Variants in SOX6 observed in about 807,000 individuals in gnomAD.
The protein encoded by SOX6 is transcription factor SOX-6.
In SOX6, 11 loss-of-function variants were observed where a neutral mutation model predicts 97.8. The observed-to-expected ratio is 0.11, with a 90% CI of 0.07 to 0.19. The LOEUF (loss-of-function observed/expected upper bound fraction) is 0.19. SOX6 is among the 10% of genes least tolerant of loss of function. The pLI is 1.00. For missense variants in SOX6, 810 were observed against 1,039.5 expected (o/e 0.78, Z 3.04); for synonymous variants, 360 against 371.4 (o/e 0.97, Z 0.35).
chr11:16,285,830 C>G (rs1406382691), intron 3 of SOX6, among the ~76,000 whole-genome samples: 1 of 151,964 alleles, frequency 6.6e-6, no homozygotes, highest in African/African-American at 2.4e-5. Context: ...AGGAAAACCA[C>G]CTAAAGTCTC....
intron 12 of SOX6, among the ~76,000 whole-genome samples, chr11:16,028,031 T>C (rs1035872077): frequency 1.3e-5 from 2 of 152,234 alleles, no homozygotes; most frequent in African/African-American, 4.8e-5. Context: ...CTTGCAGGAC[T>C]GAACTCTTGA....
intron 13 of SOX6, among the ~76,000 whole-genome samples, chr11:15,994,862 C>A (rs1487323265): frequency 6.6e-6 from 1 of 152,008 alleles, no homozygotes; most frequent in African/African-American, 2.4e-5. Flanking sequence ...ATGAAAAAAA[C>A]CCATAGATGT....
intron 3 of SOX6, among the ~76,000 whole-genome samples, chr11:16,682,055 C>T (rs537128576): frequency 1.1e-4 from 17 of 152,334 alleles, no homozygotes; most frequent in African/African-American, 3.8e-4. Flanking sequence ...TGGTACCATT[C>T]CTTTTGAAAC....
At chr11:16,364,574 C>G (rs909571043) in intron 1 of SOX6, among the ~76,000 whole-genome samples, 13 of 152,090 alleles carry the variant, frequency 8.5e-5, no homozygotes, top group Non-Finnish European at 1.9e-4. Flanking sequence ...TTATTTTACC[C>G]ATCTGTAAAA....
At chr11:16,454,430 T>C (rs990155206) in intron 1 of SOX6, among the ~76,000 whole-genome samples, 1 of 151,936 alleles carries the variant, frequency 6.6e-6, no homozygotes, top group Non-Finnish European at 1.5e-5. Context: ...CAGTCATTCA[T>C]AAAATATTCA....
chr11:16,620,895 A>C (rs938947659), intron 3 of SOX6, among the ~76,000 whole-genome samples: 4 of 152,162 alleles, frequency 2.6e-5, no homozygotes, highest in African/African-American at 7.2e-5. Flanking sequence ...AACTATCACA[A>C]TTTTGTGGAC....
At chr11:16,147,700 A>G (rs1267041079) in intron 6 of SOX6, among the ~76,000 whole-genome samples, 1 of 152,068 alleles carries the variant, frequency 6.6e-6, no homozygotes, top group East Asian at 1.9e-4. Context: ...TTTTTATTGT[A>G]CTTCTCACAT....
chr11:16,517,710 T>C (rs1195844348), intron 4 of SOX6, among the ~76,000 whole-genome samples: 1 of 152,182 alleles, frequency 6.6e-6, no homozygotes, highest in African/African-American at 2.4e-5. Flanking sequence ...CAAGAAAATA[T>C]AACTGTCACT....
intron 1 of SOX6, among the ~76,000 whole-genome samples, chr11:16,420,305 T>C (rs1001960116): frequency 2.0e-5 from 3 of 152,214 alleles, no homozygotes; most frequent in Admixed American, 2.0e-4. Context: ...GCATTTGCTT[T>C]CCATGAGTAT....
intron 6 of SOX6, among the ~76,000 whole-genome samples, chr11:16,143,823 C>T (rs903087717): frequency 4.6e-5 from 7 of 152,100 alleles, no homozygotes; most frequent in East Asian, 1.9e-4. Flanking sequence ...ACATATGCAC[C>T]CAATACAGGA....
At position 16,522,569 on chromosome 11, in the gene SOX6, C is replaced by T. The variant is rs538620205; in HGVS notation, n.610-46181G>A. On this transcript the variant is annotated intron_variant and non_coding_transcript_variant, in intron 4 of 5. Coordinates refer to the SOX6 transcript ENST00000524520. ...CATCGAGACTAGGAAGAAACTGCAT[C>T]AACTAACGAGCAAAATAACCAGCTA... 4.6e-5 allele frequency among the ~76,000 whole-genome samples: 7 copies of T among 152,064 alleles called. No homozygotes were observed. In the South Asian group the frequency reaches 1.5e-3, roughly 32 times the overall value.
At chr11:16,513,740 T>C (rs964131953) in intron 4 of SOX6, among the ~76,000 whole-genome samples, 4 of 152,146 alleles carry the variant, frequency 2.6e-5, no homozygotes, top group African/African-American at 9.7e-5. Flanking sequence ...GTTCTTGGCA[T>C]TACTTGAACT....
At position 16,586,584 on chromosome 11, in the gene SOX6, G is replaced by C. The variant is rs7941907; in HGVS notation, n.609+25497C>G. Reference sequence around the variant, plus strand: ...AAAATTTTTTGATTAGCTGGACATGGTGGTGTTCACCTACAGTCCCAGCCA... The same window carrying C: ...AAAATTTTTTGATTAGCTGGACATGCTGGTGTTCACCTACAGTCCCAGCCA... On this transcript the variant is annotated intron_variant and non_coding_transcript_variant, in intron 4 of 5. Coordinates refer to the SOX6 transcript ENST00000524520. 4.0e-3 allele frequency among the ~76,000 whole-genome samples: 602 copies of C among 152,248 alleles called. 4 individuals are homozygous for C. The highest frequency in any genetic ancestry group is 0.014 in the African/African-American group (581 of 41,528).
intron 6 of SOX6, among the ~76,000 whole-genome samples, chr11:16,132,281 AGG>A: frequency 1.8e-5 from 1 of 54,994 alleles, no homozygotes; most frequent in South Asian, 7.5e-4. Flanking sequence ...GAAGGAAGGA[AGG>A]AAGGAAGGAA....
intron 6 of SOX6, among the ~76,000 whole-genome samples, chr11:16,170,894 C>T (rs914192488): frequency 1.3e-5 from 2 of 151,932 alleles, no homozygotes; most frequent in Non-Finnish European, 2.9e-5. Context: ...ACCTATTTCT[C>T]CCCCTACGGA....
chr11:16,089,375 A>C (rs943933681), intron 9 of SOX6, among the ~76,000 whole-genome samples: 1 of 152,172 alleles, frequency 6.6e-6, no homozygotes, highest in Non-Finnish European at 1.5e-5. Context: ...AATGAAAGGT[A>C]GGAACATATA....
At chr11:16,561,579 T>A (rs1847814764) in intron 4 of SOX6, among the ~76,000 whole-genome samples, 2 of 152,156 alleles carry the variant, frequency 1.3e-5, no homozygotes, top group Admixed American at 6.5e-5. Context: ...ACAAAAATTG[T>A]TCTAAAACTG....
At chr11:16,623,327 C>T (rs1477618514) in intron 3 of SOX6, among the ~76,000 whole-genome samples, 1 of 152,138 alleles carries the variant, frequency 6.6e-6, no homozygotes, top group Non-Finnish European at 1.5e-5. Context: ...AGCTGCTGAG[C>T]ATTTTTTAAT....
chr11:16,086,461 G>A (rs556258266), intron 9 of SOX6, among the ~76,000 whole-genome samples: 6 of 152,228 alleles, frequency 3.9e-5, no homozygotes, highest in Non-Finnish European at 5.9e-5. Context: ...GGCAGGCATC[G>A]TGACCCAGCA....
Sources: allele counts gnomAD v4.1 joint callset (sites outside exome capture counted in the v4.1 genomes callset), GRCh38; gene constraint gnomAD v4.1.1; transcripts MANE v1.5; gene names NCBI Gene and HGNC (gene_info 2026-07-23, HGNC 2026-07-21).